Variants in FBXO11 observed in about 807,000 individuals in gnomAD.
The protein encoded by FBXO11 is F-box only protein 11.
Under a neutral mutation model 117.0 loss-of-function variants are expected in FBXO11, and 13 were observed. The ratio of observed to expected loss-of-function variants is 0.11; its 90% CI spans 0.07 to 0.18. The LOEUF (loss-of-function observed/expected upper bound fraction) is 0.18, where lower values mean the gene tolerates loss of function less well. FBXO11 is among the 10% of genes least tolerant of loss of function. The probability of loss-of-function intolerance (pLI) is 1.00; values close to 1 mark genes in which losing one functional copy is unlikely to be tolerated. For synonymous variants in FBXO11, 490 were observed against 380.5 expected, an observed-to-expected ratio of 1.29 and a Z score of -3.35; for missense variants, 767 against 1,164.4, an observed-to-expected ratio of 0.66 and a Z score of 4.97.
chr2:47,813,402 T>C (rs745624359), intron 17 of FBXO11, 25 bp from the exon 18 acceptor site: 2 of 1,350,564 alleles, frequency 1.5e-6, no homozygotes, highest in African/African-American at 1.5e-5. Flanking sequence ...ATGTAGGTTA[T>C]CTAGAAGGTA....
intron 11 of FBXO11, among the ~76,000 whole-genome samples, chr2:47,823,722 C>G (rs763004836): frequency 6.6e-6 from 1 of 151,602 alleles, no homozygotes. Flanking sequence ...CACTGCACTC[C>G]AGCCTGGGTG....
intron 7 of FBXO11, among the ~76,000 whole-genome samples, chr2:47,834,123 G>A (rs1477817817): frequency 6.6e-6 from 1 of 152,208 alleles, no homozygotes; most frequent in Non-Finnish European, 1.5e-5. Context: ...GCCGAGATGG[G>A]CAAATCACTT....
In FBXO11 at chr2:47,869,721, G is replaced by T. The variant is rs550823854; in HGVS notation, c.233-29952C>A. Among the ~76,000 whole-genome samples the T allele has an allele frequency of 1.4e-3, 218 of 152,356 alleles. 1 individual carries two copies. The highest frequency in any genetic ancestry group is 5.1e-3 in the African/African-American group (214 of 41,582). ...ATACCACATAGTATGTAAGTTATAG[G>T]ATTTCAAGAAGAGCAAACCCCACTC... is the stretch of plus-strand genomic sequence containing the variant. On this transcript the variant is annotated intron_variant, in intron 1 of 22. Transcript: ENST00000403359.
At chr2:47,893,974 T>C (rs775016936) in intron 1 of FBXO11, among the ~76,000 whole-genome samples, 14 of 152,236 alleles carry the variant, frequency 9.2e-5, no homozygotes, top group African/African-American at 2.2e-4. Context: ...AGCATTAACA[T>C]TGGACTGCTT....
intron 1 of FBXO11, among the ~76,000 whole-genome samples, chr2:47,884,933 A>G (rs1018236612): frequency 5.1e-4 from 78 of 152,334 alleles, no homozygotes; most frequent in African/African-American, 1.5e-3. Flanking sequence ...ATTGCGCATC[A>G]TAAGTCCATA....
chr2:47,851,295 C>T (rs1438574451), intron 1 of FBXO11, among the ~76,000 whole-genome samples: 3 of 151,312 alleles, frequency 2.0e-5, no homozygotes, highest in Admixed American at 6.6e-5. Context: ...GGTGTGATCT[C>T]GGCTTACCAC....
At chr2:47,895,907 G>T (rs978553383) in intron 1 of FBXO11, among the ~76,000 whole-genome samples, 3 of 152,128 alleles carry the variant, frequency 2.0e-5, no homozygotes, top group Non-Finnish European at 4.4e-5. Flanking sequence ...ATGTTGGCCA[G>T]GCTGGTCTCG....
intron 1 of FBXO11, among the ~76,000 whole-genome samples, chr2:47,904,818 C>T (rs1678626139): frequency 6.6e-6 from 1 of 151,974 alleles, no homozygotes; most frequent in African/African-American, 2.4e-5. Context: ...ATTTAAAGGT[C>T]TTGATTTAAT....
Position 47,807,925 on chromosome 2 carries a change from C to G in FBXO11, c.*193G>C. The G allele has an allele frequency of 1.8e-6, 1 of 550,768 alleles. No individual in the cohort carries two copies. Among genetic ancestry groups the G allele is most frequent in the Non-Finnish European group, 3.2e-6 (1 of 311,394 alleles). The allele number at this position is 550,768 out of a possible 1,614,324, so 34.1% of individuals were successfully genotyped here. On this transcript the variant is annotated 3_prime_UTR_variant, in exon 23 of 23. Transcript: ENST00000403359. ...TACACAGTAATGCTAAAACACCCAG[C>G]TTTGAGATCCTGAGTCAATATATTG...
At chr2:47,808,485 C>T in intron 21 of FBXO11, 58 bp from the exon 22 acceptor site, 1 of 1,434,340 alleles carries the variant, frequency 7.0e-7, no homozygotes, top group Non-Finnish European at 9.4e-7. Flanking sequence ...CAAAACATTC[C>T]ATTCTGTTTA....
intron 1 of FBXO11, among the ~76,000 whole-genome samples, chr2:47,891,862 A>T (rs1406478355): frequency 6.6e-6 from 1 of 152,146 alleles, no homozygotes; most frequent in Non-Finnish European, 1.5e-5. Context: ...CATTTCCCTG[A>T]TGATTAATGA....
intron 1 of FBXO11, among the ~76,000 whole-genome samples, chr2:47,848,600 AATTT>A (rs1346107346): frequency 6.6e-6 from 1 of 152,222 alleles, no homozygotes; most frequent in African/African-American, 2.4e-5. Context: ...ATAATATCAA[AATTT>A]ATTTTATAAT....
intron 16 of FBXO11, among the ~76,000 whole-genome samples, chr2:47,817,208 C>A (rs1247227270): frequency 6.6e-6 from 1 of 152,222 alleles, no homozygotes; most frequent in Non-Finnish European, 1.5e-5. Flanking sequence ...CATGAATCAA[C>A]CTCTGCTAGC....
At chr2:47,810,462 C>T (rs1207914142) in intron 18 of FBXO11, 36 bp from the exon 19 acceptor site, 2 of 1,331,648 alleles carry the variant, frequency 1.5e-6, no homozygotes. Flanking sequence ...AAGGCTAATG[C>T]ATATAACAGA....
chr2:47,809,381 G>A (rs1255046539), intron 20 of FBXO11, 115 bp from the exon 21 acceptor site: 1 of 723,980 alleles, frequency 1.4e-6, no homozygotes, highest in Admixed American at 3.1e-5. Context: ...TTTAAATGAA[G>A]CTAACCAATG....
intron 12 of FBXO11, 78 bp downstream of exon 12, chr2:47,823,065 G>A (rs1443880139): frequency 9.6e-7 from 1 of 1,046,882 alleles, no homozygotes; most frequent in Non-Finnish European, 1.4e-6. Context: ...ACTTTCAAGA[G>A]TTAAAGCTCA....
chr2:47,893,085 T>G (rs1017203327), intron 1 of FBXO11, among the ~76,000 whole-genome samples: 3 of 151,538 alleles, frequency 2.0e-5, no homozygotes, highest in East Asian at 1.9e-4. Context: ...AACCCAGGAG[T>G]AGAGGCTGTA....
At chr2:47,845,940 C>A (rs1673373577) in intron 1 of FBXO11, among the ~76,000 whole-genome samples, 1 of 151,402 alleles carries the variant, frequency 6.6e-6, no homozygotes. Flanking sequence ...ACATCCAAAT[C>A]CACAAATGCA....
chr2:47,864,133 A>C lies in FBXO11; in HGVS notation c.233-24364T>G, dbSNP rs367620121. Reference sequence around the variant, plus strand: ...GGCATGTGACTTCATTGATCTTCACAGTTATAAGACTAACATAACTATGGT... The same window carrying C: ...GGCATGTGACTTCATTGATCTTCACCGTTATAAGACTAACATAACTATGGT... On this transcript the variant is annotated intron_variant, in intron 1 of 22. Coordinates refer to ENST00000403359, the MANE Select transcript of FBXO11 (RefSeq NM_001190274.2). 2.4e-3 allele frequency among the ~76,000 whole-genome samples: 359 copies of C among 152,336 alleles called. 2 individuals carry two copies. The highest frequency in any genetic ancestry group is 7.3e-3 in the African/African-American group (303 of 41,574).
Sources: allele counts gnomAD v4.1 joint callset (sites outside exome capture counted in the v4.1 genomes callset), GRCh38; gene constraint gnomAD v4.1.1; transcripts MANE v1.5; gene names NCBI Gene and HGNC (gene_info 2026-07-23, HGNC 2026-07-21).